Variants in ERBB4 observed in about 807,000 individuals in gnomAD.
ERBB4 encodes the protein receptor tyrosine-protein kinase erbB-4.
A neutral mutation model predicts 158.0 loss-of-function variants in ERBB4; 42 were observed. That is an observed-to-expected ratio of 0.27 (90% confidence interval 0.21 to 0.34). ERBB4 has a LOEUF of 0.34. ERBB4 is among the 10% of genes least tolerant of loss of function. ERBB4 has a pLI of 1.00. For missense variants in ERBB4, 1,333 were observed against 1,624.1 expected (o/e 0.82, Z 3.08); for synonymous variants, 583 against 558.7 (o/e 1.04, Z -0.61).
intron 20 of ERBB4, among the ~76,000 whole-genome samples, chr2:211,507,861 C>T (rs1209529904): frequency 6.6e-6 from 1 of 152,038 alleles, no homozygotes; most frequent in African/African-American, 2.4e-5. Flanking sequence ...TTTGACAAAC[C>T]TGACAAAAAC....
intron 1 of ERBB4, among the ~76,000 whole-genome samples, chr2:212,371,716 T>C (rs1250120753): frequency 6.6e-6 from 1 of 152,190 alleles, no homozygotes; most frequent in Admixed American, 6.5e-5. Flanking sequence ...AAGTACATAT[T>C]ACAATTCCCA....
intron 3 of ERBB4, among the ~76,000 whole-genome samples, chr2:211,846,618 C>A (rs2077595598): frequency 6.6e-6 from 1 of 152,150 alleles, no homozygotes; most frequent in African/African-American, 2.4e-5. Context: ...ACCTGGAATT[C>A]TAAAGTTACA....
chr2:211,657,786 C>T lies in ERBB4; in HGVS notation c.1914G>A (p.Trp638Ter), dbSNP rs879054297. 5.6e-6 allele frequency: 9 copies of T among 1,613,968 alleles called. No individual in the cohort carries two copies. Among genetic ancestry groups the T allele is most frequent in the Non-Finnish European group, 7.6e-6 (9 of 1,179,912 alleles). Residue 638 changes from tryptophan (W) to a stop codon, truncating the protein, a stop_gained, in exon 16 of 28, where the codon TGG (tryptophan) becomes TGA (stop). Transcript: ENST00000342788. LOFTEE classifies it high-confidence loss of function. ...PTSHDCIYYP[W>*]TGHSTLPQHA... ...GTTGTGGTAAAGTGGAATGGCCCGT[C>T]CATGGGTAGTAAATGCAGTCATGAC...
intron 3 of ERBB4, among the ~76,000 whole-genome samples, chr2:211,863,198 C>G (rs1051258979): frequency 6.7e-6 from 1 of 149,808 alleles, no homozygotes; most frequent in Non-Finnish European, 1.5e-5. Flanking sequence ...CAAAAACGCA[C>G]CAATCAGTGC....
chr2:212,144,768 C>A (rs2080608082), intron 1 of ERBB4, among the ~76,000 whole-genome samples: 1 of 152,122 alleles, frequency 6.6e-6, no homozygotes, highest in Non-Finnish European at 1.5e-5. Context: ...TGTAGTTCTT[C>A]TATCGCATAA....
chr2:211,454,230 A>G (rs1275316064), intron 20 of ERBB4, among the ~76,000 whole-genome samples: 1 of 152,194 alleles, frequency 6.6e-6, no homozygotes, highest in Non-Finnish European at 1.5e-5. Flanking sequence ...TATTGACTAA[A>G]TATGTGGAAT....
chr2:211,789,158 A>G (rs1246420750), intron 3 of ERBB4, among the ~76,000 whole-genome samples: 2 of 152,152 alleles, frequency 1.3e-5, no homozygotes, highest in African/African-American at 4.8e-5. Context: ...TTCCAGCCCA[A>G]TATGTACCAC....
chr2:212,120,591 G>A (rs1271097018), intron 2 of ERBB4, among the ~76,000 whole-genome samples: 1 of 152,096 alleles, frequency 6.6e-6, no homozygotes, highest in African/African-American at 2.4e-5. Flanking sequence ...AAATTAGAGT[G>A]GTTTCATACA....
chr2:212,371,085 C>G (rs1239542065), intron 1 of ERBB4, among the ~76,000 whole-genome samples: 1 of 152,036 alleles, frequency 6.6e-6, no homozygotes, highest in African/African-American at 2.4e-5. Context: ...TCAGTGAAAG[C>G]CTGTTTCTTG....
intron 1 of ERBB4, among the ~76,000 whole-genome samples, chr2:212,331,071 T>TATATATATATACACATATAC (rs147932949): frequency 8.3e-6 from 1 of 120,024 alleles, no homozygotes; most frequent in African/African-American, 2.8e-5. Flanking sequence ...TATATATATA[T>TATATATATATACACATATAC]ACACATATAT....
chr2:211,458,196 T>C lies in ERBB4; in HGVS notation c.2488-27096A>G, dbSNP rs370990339. ...AACACTTGCCCAGCAACCATGCACATGCAACCTGGAAGAGAGGGGAGCTAG... is the reference window on the plus strand; with the variant it reads ...AACACTTGCCCAGCAACCATGCACACGCAACCTGGAAGAGAGGGGAGCTAG... On this transcript the variant is annotated intron_variant, in intron 20 of 27. Coordinates refer to ENST00000342788, the MANE Select transcript of ERBB4 (RefSeq NM_005235.3). Among the ~76,000 whole-genome samples, 24 of 151,736 alleles carry C rather than the reference T, an allele frequency of 1.6e-4. No homozygotes were observed. In the East Asian group the frequency reaches 2.9e-3, roughly 19 times the overall value.
intron 16 of ERBB4, among the ~76,000 whole-genome samples, chr2:211,643,869 C>T (rs1215448537): frequency 1.3e-5 from 2 of 151,982 alleles, no homozygotes; most frequent in Non-Finnish European, 2.9e-5. Context: ...CTGTAATAGA[C>T]AGGATATTAT....
chr2:211,678,314 CAAACAA>C (rs1434610832), intron 13 of ERBB4, among the ~76,000 whole-genome samples: 49 of 17,208 alleles, frequency 2.8e-3, no homozygotes, highest in South Asian at 1.8e-3. Flanking sequence ...AAAAAACAAA[CAAACAA>C]AAAAAAAAAA....
At chr2:211,864,081 A>G (rs907511362) in intron 3 of ERBB4, among the ~76,000 whole-genome samples, 2 of 152,100 alleles carry the variant, frequency 1.3e-5, no homozygotes, top group Non-Finnish European at 2.9e-5. Flanking sequence ...AAGCCCCACT[A>G]CCATCTCTAG....
intron 20 of ERBB4, among the ~76,000 whole-genome samples, chr2:211,482,922 TAAAAATTTAA>T (rs1479034740): frequency 6.6e-6 from 1 of 151,440 alleles, no homozygotes; most frequent in African/African-American, 2.4e-5. Flanking sequence ...AATAAATAAA[TAAAAATTTAA>T]AAAAATCAAA....
intron 1 of ERBB4, among the ~76,000 whole-genome samples, chr2:212,285,312 C>T (rs1355954320): frequency 1.3e-5 from 2 of 151,924 alleles, no homozygotes; most frequent in Admixed American, 6.6e-5. Flanking sequence ...AACCCTCACA[C>T]ACAAAATTAT....
chr2:211,854,582 G>C (rs1377504637), intron 3 of ERBB4, among the ~76,000 whole-genome samples: 2 of 152,084 alleles, frequency 1.3e-5, no homozygotes, highest in Non-Finnish European at 2.9e-5. Context: ...TGAAATGACA[G>C]AGTTGGTATG....
At position 212,538,570 on chromosome 2, in the gene ERBB4, C is replaced by G; in HGVS notation, c.-40G>C. On this transcript the variant is annotated 5_prime_UTR_variant, in exon 1 of 28. Transcript: ENST00000342788. The stretch of plus-strand genomic sequence containing the variant: ...AGATCCCGTGCTGACAATTACATGT[C>G]CAAATGGCATATCCCCCTTTCGGGC... 6.3e-7 allele frequency: 1 copy of G among 1,575,914 alleles called. No individual in the cohort carries two copies. The highest frequency in any genetic ancestry group is 8.7e-7 in the Non-Finnish European group (1 of 1,145,088).
At chr2:212,463,063 G>A (rs775711814) in intron 1 of ERBB4, among the ~76,000 whole-genome samples, 6 of 152,056 alleles carry the variant, frequency 3.9e-5, no homozygotes, top group Non-Finnish European at 8.8e-5. Flanking sequence ...TTGATCTTAT[G>A]TTAAGTATAG....
Sources: allele counts gnomAD v4.1 joint callset (sites outside exome capture counted in the v4.1 genomes callset), GRCh38; gene constraint gnomAD v4.1.1; transcripts MANE v1.5; gene names NCBI Gene and HGNC (gene_info 2026-07-23, HGNC 2026-07-21).